Variants in CACNA1B observed in about 807,000 individuals in gnomAD.
CACNA1B encodes voltage-dependent N-type calcium channel subunit alpha-1B.
Under a neutral mutation model 247.2 loss-of-function variants are expected in CACNA1B, and 70 were observed. The ratio of observed to expected loss-of-function variants is 0.28; its 90% confidence interval spans 0.23 to 0.35. The LOEUF (loss-of-function observed/expected upper bound fraction) is 0.35. CACNA1B is among the 10% of genes least tolerant of loss of function. The probability of loss-of-function intolerance (pLI) is 1.00; values close to 1 mark genes in which losing one functional copy is unlikely to be tolerated. For synonymous variants in CACNA1B, 1,231 were observed against 1,294.4 expected, an observed-to-expected ratio of 0.95 and a Z score of 1.05; for missense variants, 2,367 against 3,197.4, an observed-to-expected ratio of 0.74 and a Z score of 6.26.
Position 138,013,164 on chromosome 9 carries a change from G to C in CACNA1B, c.2196G>C (p.Lys732Asn). ...EEEMEEAANQ[K>N]LALQKAKEVA... is the part of the protein sequence containing the mutation. Reference sequence around the variant, plus strand: ...AGATGGAAGAAGCAGCCAATCAGAAGCTTGCTCTGCAAAAGGCCAAAGAAG... The same window carrying C: ...AGATGGAAGAAGCAGCCAATCAGAACCTTGCTCTGCAAAAGGCCAAAGAAG... Residue 732 changes from lysine (K) to asparagine (N), a missense_variant, in exon 18 of 47, where the codon AAG becomes AAC. By Grantham distance (94) the Lys-to-Asn change is moderately conservative. Around this residue, in one of 12 missense-constraint regions of CACNA1B, gnomAD observed 631 missense variants for 631.1 expected, o/e 1.00. Transcript: ENST00000371372. 1.2e-6 allele frequency: 2 copies of C among 1,613,166 alleles called. No individual in the cohort carries two copies. Among genetic ancestry groups the C allele is most frequent in the Non-Finnish European group, 1.7e-6 (2 of 1,179,510 alleles).
At chr9:137,983,864 G>A (rs1958321942) in intron 12 of CACNA1B, among the ~76,000 whole-genome samples, 2 of 133,128 alleles carry the variant, frequency 1.5e-5, no homozygotes, top group Admixed American at 1.7e-4. Context: ...GGCCTAACCT[G>A]GTCCATGTCC....
rs1257347517 is a variant in CACNA1B, at chr9:138,023,543, C to T, written c.2800C>T (p.Arg934Cys). ...PEEAAEREPRRHRAHRHQDPS... is the reference protein window; with the variant it reads ...PEEAAEREPRCHRAHRHQDPS... The stretch of plus-strand genomic sequence containing the variant: ...GGAGGCGGCCGAGCGGGAGCCCCGA[C>T]GCCACCGCGCGCACCGGCACCAGGA... Residue 934 changes from arginine to cysteine, a missense_variant, in exon 19 of 47, where the codon CGC becomes TGC. By Grantham distance (180) the Arg-to-Cys change is radical. Around this residue, in one of 12 missense-constraint regions of CACNA1B, gnomAD observed 631 missense variants for 631.1 expected, o/e 1.00. Transcript: ENST00000371372. 19 of 1,082,258 alleles carry T rather than the reference C, an allele frequency of 1.8e-5. No individual in the cohort carries two copies. The highest frequency in any genetic ancestry group is 4.6e-5 in the Admixed American group (1 of 21,750). 67.0% of individuals were successfully genotyped at this position (1,082,258 alleles called of 1,614,324 possible). A position where few individuals can be genotyped will look rare whatever the true frequency, so the allele number is the denominator to read the frequency against.
In CACNA1B at chr9:137,955,668, G is replaced by A. The variant is rs1444612774; in HGVS notation, c.1071-30G>A. 1 of 1,483,294 alleles carries A rather than the reference G, an allele frequency of 6.7e-7. No individual in the cohort carries two copies. Among genetic ancestry groups the A allele is most frequent in the South Asian group, 1.2e-5 (1 of 86,286 alleles). 91.9% of individuals were successfully genotyped at this position (1,483,294 alleles called of 1,614,324 possible). The stretch of plus-strand genomic sequence containing the variant: ...ACACCTGTGGGGCTTGCACTCACCT[G>A]ATCTTGCTTTTCCGGCCCCTGCATG... On this transcript the variant is annotated intron_variant, in intron 7 of 46. Coordinates refer to ENST00000371372, the MANE Select transcript of CACNA1B (RefSeq NM_000718.4). This position sits in a 1 kb window ranked among gnomAD's most constrained non-coding sequence, Gnocchi z 6.9.
chr9:138,013,098 G>A (rs1958745590), intron 17 of CACNA1B, 31 bp from the exon 18 acceptor site: 2 of 1,532,850 alleles, frequency 1.3e-6, no homozygotes, highest in African/African-American at 1.4e-5. Context: ...ACACTGTGAG[G>A]GGAACTGGAC....
chr9:138,075,146 C>T (rs909018115), intron 34 of CACNA1B, among the ~76,000 whole-genome samples: 3 of 152,194 alleles, frequency 2.0e-5, no homozygotes, highest in African/African-American at 2.4e-5. Context: ...CAAAGGTTCA[C>T]GGAAAACTGA....
Position 137,881,837 on chromosome 9 carries a change from G to T in CACNA1B, c.391-907G>T, listed in dbSNP as rs1956926338. Reference sequence around the variant, plus strand: ...TAACTGTTGGCTGGAGCTCAGCCTGGGGTGCAGGAAAGGGATCTTTTTAGG... The same window carrying T: ...TAACTGTTGGCTGGAGCTCAGCCTGTGGTGCAGGAAAGGGATCTTTTTAGG... On this transcript the variant is annotated intron_variant, in intron 2 of 46. Transcript: ENST00000371372. The surrounding 1 kb of genome is among the most constrained non-coding windows in gnomAD (Gnocchi z 4.3). Among the ~76,000 whole-genome samples, 1 of 152,232 alleles carries T rather than the reference G, an allele frequency of 6.6e-6. No individual in the cohort carries two copies. Among genetic ancestry groups the T allele is most frequent in the African/African-American group, 2.4e-5 (1 of 41,468 alleles).
Position 138,121,868 on chromosome 9 carries a change from G to T in CACNA1B, c.6889G>T (p.Val2297Leu), listed in dbSNP as rs41290003. 1.9e-6 allele frequency: 3 copies of T among 1,613,130 alleles called. No homozygotes were observed. Among genetic ancestry groups the T allele is most frequent in the East Asian group, 4.5e-5 (2 of 44,886 alleles). ...GGGCCGCTCCTCCAGGACTTCCTACGTGTCCTCCCTGACCTCCCAGTCTCA... is the reference window on the plus strand; with the variant it reads ...GGGCCGCTCCTCCAGGACTTCCTACTTGTCCTCCCTGACCTCCCAGTCTCA... ...NSGRSSRTSYVSSLTSQSHPL... is the reference protein window; with the variant it reads ...NSGRSSRTSYLSSLTSQSHPL... The change falls in exon 47 of 47, where the codon GTG (valine) becomes TTG (leucine). Residue 2297 changes from valine (V) to leucine (L), a missense_variant. Transcript: ENST00000371372. This position sits in a 1 kb window ranked among gnomAD's most constrained non-coding sequence, Gnocchi z 6.8.
At chr9:138,041,781 A>G (rs1959126374) in intron 20 of CACNA1B, among the ~76,000 whole-genome samples, 1 of 152,050 alleles carries the variant, frequency 6.6e-6, no homozygotes, top group Non-Finnish European at 1.5e-5. Flanking sequence ...TTTAGAGACA[A>G]TCTCATTCTG....
At position 137,950,262 on chromosome 9, in the gene CACNA1B, G is replaced by A. The variant is rs1237765874; in HGVS notation, c.967-2012G>A. On this transcript the variant is annotated intron_variant, in intron 6 of 46. Coordinates refer to ENST00000371372, the MANE Select transcript of CACNA1B (RefSeq NM_000718.4). This position sits in a 1 kb window ranked among gnomAD's most constrained non-coding sequence, Gnocchi z 4.8. Reference sequence around the variant, plus strand: ...TGTTCTTGTTCTCCACGTGATTTCTGCACACTGTGTGTGGGTGGGCGGCTT... The same window carrying A: ...TGTTCTTGTTCTCCACGTGATTTCTACACACTGTGTGTGGGTGGGCGGCTT... Among the ~76,000 whole-genome samples the A allele has an allele frequency of 1.3e-5, 2 of 152,204 alleles. No individual in the cohort carries two copies. The highest frequency in any genetic ancestry group is 2.4e-5 in the African/African-American group (1 of 41,462).
Position 137,986,326 on chromosome 9 carries a change from C to T in CACNA1B, c.1770-87C>T. On this transcript the variant is annotated intron_variant, in intron 13 of 46. Coordinates refer to ENST00000371372, the MANE Select transcript of CACNA1B (RefSeq NM_000718.4). This position sits in a 1 kb window ranked among gnomAD's most constrained non-coding sequence, Gnocchi z 6.0. ...GTGCAGCCCTCAGGGTTTAGAAAGT[C>T]AGTGGAGCCTTAAGTGTGGCTGCAG... 1 of 1,456,272 alleles carries T rather than the reference C, an allele frequency of 6.9e-7. No individual in the cohort carries two copies. The highest frequency in any genetic ancestry group is 2.4e-5 in the East Asian group (1 of 42,006). The allele number at this position is 1,456,272 out of a possible 1,614,324, so 90.2% of individuals were successfully genotyped here.
Position 138,121,491 on chromosome 9 carries a change from G to T in CACNA1B, c.6512G>T (p.Ser2171Ile). Reference protein sequence around the residue: ...HPQGSGSVNGSPLLSTSGAST... With the variant: ...HPQGSGSVNGIPLLSTSGAST... ...TAGGGCAGTGGTTCCGTGAATGGGAGCCCCTTGCTGTCAACATCTGGTGCT... is the reference window on the plus strand; with the variant it reads ...TAGGGCAGTGGTTCCGTGAATGGGATCCCCTTGCTGTCAACATCTGGTGCT... The change falls in exon 47 of 47, where the codon AGC becomes ATC. Residue 2171 changes from serine (S) to isoleucine (I), a missense_variant. Ser to Ile is a moderately radical substitution (Grantham distance 142, BLOSUM62 -2). This residue lies in a region of CACNA1B where 773 missense variants were observed against 779.4 expected (regional missense o/e 0.99). Transcript: ENST00000371372. This position sits in a 1 kb window ranked among gnomAD's most constrained non-coding sequence, Gnocchi z 6.8. 6.5e-7 allele frequency: 1 copy of T among 1,529,320 alleles called. No individual in the cohort carries two copies. 94.7% of individuals were successfully genotyped at this position (1,529,320 alleles called of 1,614,324 possible).
intron 10 of CACNA1B, among the ~76,000 whole-genome samples, chr9:137,966,696 G>A (rs1356973073): frequency 5.3e-5 from 8 of 151,282 alleles, no homozygotes; most frequent in African/African-American, 9.7e-5. Flanking sequence ...GTGCCACCAC[G>A]CCCAGCTAAT....
In CACNA1B at chr9:137,954,050, C is replaced by G. The variant is rs1205241049; in HGVS notation, c.1071-1648C>G. 6.6e-6 allele frequency among the ~76,000 whole-genome samples: 1 copy of G among 152,148 alleles called. No individual in the cohort carries two copies. The highest frequency in any genetic ancestry group is 1.5e-5 in the Non-Finnish European group (1 of 68,004). ...GCTGGAGGGGAGGCCCAAGGCAGGG[C>G]CTGCACGGTATTTCCCACTCCTTCC... On this transcript the variant is annotated intron_variant, in intron 7 of 46. Transcript: ENST00000371372. This position sits in a 1 kb window ranked among gnomAD's most constrained non-coding sequence, Gnocchi z 4.1.
In CACNA1B at chr9:137,973,059, C is replaced by T. The variant is rs77105462; in HGVS notation, c.1543+1467C>T. ...CCCAGTGACTAGGCCTGTTCTTCCC[C>T]GTGAGAGGCTGTTGGTGTGCAGTGA... On this transcript the variant is annotated intron_variant, in intron 11 of 46. Coordinates refer to ENST00000371372, the MANE Select transcript of CACNA1B (RefSeq NM_000718.4). This position sits in a 1 kb window ranked among gnomAD's most constrained non-coding sequence, Gnocchi z 4.1. Among the ~76,000 whole-genome samples, 1 of 152,192 alleles carries T rather than the reference C, an allele frequency of 6.6e-6. No individual in the cohort carries two copies. The highest frequency in any genetic ancestry group is 1.5e-5 in the Non-Finnish European group (1 of 68,036).
chr9:137,949,594 C>G (rs1374432001), intron 6 of CACNA1B, among the ~76,000 whole-genome samples: 1 of 152,048 alleles, frequency 6.6e-6, no homozygotes. Context: ...ATCACAGAGG[C>G]TGGCATGTCC....
rs1958176521 is a variant in CACNA1B at position 137,973,181 on chromosome 9, C to T, written c.1543+1589C>T. Among the ~76,000 whole-genome samples the T allele has an allele frequency of 6.6e-6, 1 of 152,162 alleles. No individual in the cohort carries two copies. The highest frequency in any genetic ancestry group is 2.1e-4 in the South Asian group (1 of 4,818). On this transcript the variant is annotated intron_variant, in intron 11 of 46. Coordinates refer to ENST00000371372, the MANE Select transcript of CACNA1B (RefSeq NM_000718.4). This position sits in a 1 kb window ranked among gnomAD's most constrained non-coding sequence, Gnocchi z 4.1. ...TGGCAGTGTCCAGGCGTTGGTGAGGCCACAGGCATCCCTGACCGTAGACCG... is the reference window on the plus strand; with the variant it reads ...TGGCAGTGTCCAGGCGTTGGTGAGGTCACAGGCATCCCTGACCGTAGACCG...
chr9:137,929,611 T>A (rs995441789), intron 6 of CACNA1B, among the ~76,000 whole-genome samples: 12 of 152,160 alleles, frequency 7.9e-5, no homozygotes, highest in African/African-American at 1.4e-4. Context: ...TTAGTGGGCA[T>A]GAAGTGGTAT....
At chr9:137,980,414 T>C (rs942757914) in intron 12 of CACNA1B, among the ~76,000 whole-genome samples, 1 of 152,220 alleles carries the variant, frequency 6.6e-6, no homozygotes, top group Non-Finnish European at 1.5e-5. Context: ...GGCTGAGTAG[T>C]GCTCTGAGGC....
chr9:138,045,889 T>TGGG (rs1959180087), intron 21 of CACNA1B, among the ~76,000 whole-genome samples: 1 of 151,908 alleles, frequency 6.6e-6, no homozygotes, highest in Admixed American at 6.5e-5. Context: ...GAATGGCCCT[T>TGGG]GGGGGTTCGC....
Sources: allele counts gnomAD v4.1 joint callset (sites outside exome capture counted in the v4.1 genomes callset), GRCh38; gene constraint gnomAD v4.1.1; regional missense constraint gnomAD v4.1.1; non-coding constraint Gnocchi (gnomAD v3.1); transcripts MANE v1.5; gene names NCBI Gene and HGNC (gene_info 2026-07-23, HGNC 2026-07-21).